The following ZNF207 variants were observed in gnomAD, a reference collection of about 807,000 sequenced individuals.
ZNF207 encodes zinc finger protein 207.
Under a neutral mutation model 60.2 loss-of-function variants are expected in ZNF207, and 24 were observed. The observed-to-expected ratio is 0.40, with a 90% CI of 0.29 to 0.56. The LOEUF is 0.56. Ranked by LOEUF, ZNF207 falls within the 20% of genes least tolerant of loss-of-function variation. The probability of loss-of-function intolerance (pLI) is 0.49; values close to 1 mark genes in which losing one functional copy is unlikely to be tolerated. For missense variants in ZNF207, 452 were observed against 636.6 expected, an observed-to-expected ratio of 0.71 and a Z score of 3.12; for synonymous variants, 236 against 194.7, an observed-to-expected ratio of 1.21 and a Z score of -1.77.
At position 32,353,579 on chromosome 17, in the gene ZNF207, C is replaced by T. The variant is rs569229053; in HGVS notation, c.168+1667C>T. 1.1e-3 allele frequency among the ~76,000 whole-genome samples: 169 copies of T among 151,018 alleles called. 1 individual carries two copies. Among genetic ancestry groups the T allele is most frequent in the Admixed American group, 1.4e-3 (21 of 14,986 alleles). ...GGTGGATCACCTGAGGTCAGGGTTT[C>T]AAGACCAGCCTGACCAACGTGGTGA... On this transcript the variant is annotated intron_variant, in intron 2 of 11. Coordinates refer to ENST00000394670, the MANE Select transcript of ZNF207 (RefSeq NM_001098507.2).
In ZNF207 at chr17:32,375,525, G is replaced by C. The variant is rs1421077516; in HGVS notation, c.*5766G>C. ...CTAAGATAGTTCCTTTTTTTTTGTA[G>C]TTCTGTGACTCAGACAAATAAGATT... On this transcript the variant is annotated 3_prime_UTR_variant, in exon 12 of 12. Coordinates refer to ENST00000394670, the MANE Select transcript of ZNF207 (RefSeq NM_001098507.2). 6.6e-6 allele frequency: 1 copy of C among 151,614 alleles called. No individual in the cohort carries two copies. Among genetic ancestry groups the C allele is most frequent in the African/African-American group, 2.4e-5 (1 of 41,318 alleles). 9.4% of individuals were successfully genotyped at this position (151,614 alleles called of 1,614,324 possible).
At chr17:32,367,253 A>ATGTATATATATATATATG (rs1567824756) in intron 9 of ZNF207, among the ~76,000 whole-genome samples, 8 of 91,478 alleles carry the variant, frequency 8.7e-5, no homozygotes, top group Non-Finnish European at 1.8e-4. Flanking sequence ...ATATATATAT[A>ATGTATATATATATATATG]TATATATATA....
At chr17:32,356,860 G>T (rs1332596565) in intron 2 of ZNF207, among the ~76,000 whole-genome samples, 1 of 152,170 alleles carries the variant, frequency 6.6e-6, no homozygotes, top group Non-Finnish European at 1.5e-5. Flanking sequence ...AAAAATCCCA[G>T]ATTTTCAGTG....
At chr17:32,361,873 T>A (rs1363814868) in intron 6 of ZNF207, among the ~76,000 whole-genome samples, 1 of 152,144 alleles carries the variant, frequency 6.6e-6, no homozygotes, top group East Asian at 1.9e-4. Flanking sequence ...AAGTTAATCT[T>A]CTGATAAAAA....
chr17:32,350,202 T>A lies in ZNF207; in HGVS notation c.-84T>A, dbSNP rs930788805. On this transcript the variant is annotated 5_prime_UTR_variant, in exon 1 of 12. The change creates a new upstream start codon in the 5' untranslated region. Transcript: ENST00000394670. ...TTCCTGTGGGACGTGGTGGTAGCCG[T>A]TGGGTTGGGAAAGTGAGGGATTTTT... 13 of 1,579,374 alleles carry A rather than the reference T, an allele frequency of 8.2e-6. No homozygotes were observed. Among genetic ancestry groups the A allele is most frequent in the African/African-American group, 1.4e-5 (1 of 74,022 alleles).
intron 2 of ZNF207, among the ~76,000 whole-genome samples, chr17:32,352,408 A>G (rs192123941): frequency 7.6e-4 from 115 of 152,300 alleles, no homozygotes; most frequent in South Asian, 1.4e-3. Context: ...ACAATAAACA[A>G]AACTGGCTTT....
chr17:32,367,240 TA>T (rs1430055369), intron 9 of ZNF207, among the ~76,000 whole-genome samples: 51 of 20,020 alleles, frequency 2.5e-3, no homozygotes, highest in Middle Eastern at 0.025. Context: ...TGGAGGGGAT[TA>T]TATATATATA....
chr17:32,369,996 C>A lies in ZNF207; in HGVS notation c.*237C>A. 5.2e-6 allele frequency: 2 copies of A among 385,752 alleles called. No homozygotes were observed. Among genetic ancestry groups the A allele is most frequent in the East Asian group, 4.5e-5 (1 of 22,404 alleles). The allele number at this position is 385,752 out of a possible 1,614,324, so 23.9% of individuals were successfully genotyped here. ...GTATGGCTTCTTTTTCATGTTTCAT[C>A]TAGGTTTTTAGAAGTGAAGTATAGT... On this transcript the variant is annotated 3_prime_UTR_variant, in exon 12 of 12. Transcript: ENST00000394670.
chr17:32,360,784 TA>T lies in ZNF207; in HGVS notation c.475+23del, dbSNP rs1904833741. ...CCTCCAGGTAGCACATAGGATTGCT[TA>T]AAATCTAACATTTTTAGGACATTAT... is the stretch of plus-strand genomic sequence containing the variant. On this transcript the variant is annotated intron_variant, in intron 4 of 11. Coordinates refer to ENST00000394670, the MANE Select transcript of ZNF207 (RefSeq NM_001098507.2). 1 of 1,612,844 alleles carries T rather than the reference TA, an allele frequency of 6.2e-7. No homozygotes were observed. Among genetic ancestry groups the T allele is most frequent in the East Asian group, 2.2e-5 (1 of 44,872 alleles).
In ZNF207 at chr17:32,375,774, G is replaced by A. The variant is rs1487490677; in HGVS notation, c.*6015G>A. 2 of 151,998 alleles carry A rather than the reference G, an allele frequency of 1.3e-5. No individual in the cohort carries two copies. The highest frequency in any genetic ancestry group is 2.4e-5 in the African/African-American group (1 of 41,406). The allele number at this position is 151,998 out of a possible 1,614,324, so 9.4% of individuals were successfully genotyped here. On this transcript the variant is annotated 3_prime_UTR_variant, in exon 12 of 12. Coordinates refer to ENST00000394670, the MANE Select transcript of ZNF207 (RefSeq NM_001098507.2). Reference sequence around the variant, plus strand: ...ACCTAATATTGAGTAATCTTTCTGCGTTATTCCAAATTGAAATTTGTTTGC... The same window carrying A: ...ACCTAATATTGAGTAATCTTTCTGCATTATTCCAAATTGAAATTTGTTTGC...
intron 9 of ZNF207, among the ~76,000 whole-genome samples, chr17:32,367,132 A>G (rs1310835249): frequency 6.6e-6 from 1 of 151,138 alleles, no homozygotes; most frequent in African/African-American, 2.4e-5. Context: ...GTGTGGTATT[A>G]TGAAAAGTAA....
In ZNF207 at chr17:32,374,633, G is replaced by A. The variant is rs548082265; in HGVS notation, c.*4874G>A. ...TCACCACATTAGAGCAAATGTTAAT[G>A]TAGAGCCCTGTAAAGGTGGGAAGGT... On this transcript the variant is annotated 3_prime_UTR_variant, in exon 12 of 12. Transcript: ENST00000394670. 2 of 152,350 alleles carry A rather than the reference G, an allele frequency of 1.3e-5. No homozygotes were observed. The highest frequency in any genetic ancestry group is 1.9e-4 in the East Asian group (1 of 5,186). 9.4% of individuals were successfully genotyped at this position (152,350 alleles called of 1,614,324 possible).
intron 2 of ZNF207, among the ~76,000 whole-genome samples, chr17:32,357,626 C>G (rs1054758037): frequency 6.6e-6 from 1 of 151,322 alleles, no homozygotes; most frequent in Admixed American, 6.6e-5. Context: ...GGATTACAGG[C>G]GTGAGCCGCC....
At position 32,375,700 on chromosome 17, in the gene ZNF207, C is replaced by CT. The variant is rs1905652427; in HGVS notation, c.*5942dup. ...GACATGTACCCTAGAAGTAGATACT[C>CT]TAAAATTATACAGACATGAATGTCT... On this transcript the variant is annotated 3_prime_UTR_variant, in exon 12 of 12. Transcript: ENST00000394670. 6.6e-6 allele frequency: 1 copy of CT among 152,022 alleles called. No homozygotes were observed. The highest frequency in any genetic ancestry group is 1.5e-5 in the Non-Finnish European group (1 of 67,930). The allele number at this position is 152,022 out of a possible 1,614,324, so 9.4% of individuals were successfully genotyped here.
intron 9 of ZNF207, among the ~76,000 whole-genome samples, chr17:32,367,242 TATATATATATATATATATATATATA>T (rs1905213540): frequency 4.6e-5 from 2 of 43,888 alleles, no homozygotes; most frequent in African/African-American, 3.5e-4. Context: ...GAGGGGATTA[TATATATATATATATATATATATATA>T]TATATATATA....
At position 32,371,881 on chromosome 17, in the gene ZNF207, A is replaced by G. The variant is rs1434041057; in HGVS notation, c.*2122A>G. ...TCTTTCTGCCAGCAGCCAAGTCCCA[A>G]ACCACTTTCCCCTCTGAACCTCTGC... On this transcript the variant is annotated 3_prime_UTR_variant, in exon 12 of 12. Coordinates refer to ENST00000394670, the MANE Select transcript of ZNF207 (RefSeq NM_001098507.2). The G allele has an allele frequency of 6.6e-6, 1 of 152,228 alleles. No individual in the cohort carries two copies. The highest frequency in any genetic ancestry group is 2.4e-5 in the African/African-American group (1 of 41,454). The allele number at this position is 152,228 out of a possible 1,614,324, so 9.4% of individuals were successfully genotyped here.
rs1567824964 is a variant in ZNF207 at position 32,367,267 on chromosome 17, AT to A, written c.922-504del. Among the ~76,000 whole-genome samples, 275 of 117,816 alleles carry A rather than the reference AT, an allele frequency of 2.3e-3. 12 individuals carry two copies. The highest frequency in any genetic ancestry group is 5.6e-3 in the African/African-American group (165 of 29,356). The allele number at this position is 117,816 out of a possible 152,430, so 77.3% of individuals were successfully genotyped here. On this transcript the variant is annotated intron_variant, in intron 9 of 11. Transcript: ENST00000394670. ...TATATATATATATATATATATATAT[AT>A]ATATATATATATATATAAAGAATAC... is the stretch of plus-strand genomic sequence containing the variant.
rs1905383375 is a variant in ZNF207, at chr17:32,369,774, G to A, written c.*15G>A. ...GCCGTTACTGATCTTACTTCATCCA[G>A]TCTAATAGGTTTGGAGATTAAACCT... On this transcript the variant is annotated 3_prime_UTR_variant, in exon 12 of 12. Coordinates refer to ENST00000394670, the MANE Select transcript of ZNF207 (RefSeq NM_001098507.2). The A allele has an allele frequency of 1.3e-6, 2 of 1,489,094 alleles. No individual in the cohort carries two copies. The highest frequency in any genetic ancestry group is 1.4e-5 in the African/African-American group (1 of 71,288). 92.2% of individuals were successfully genotyped at this position (1,489,094 alleles called of 1,614,324 possible).
At chr17:32,366,220 T>C (rs1043401177) in intron 8 of ZNF207, among the ~76,000 whole-genome samples, 2 of 152,226 alleles carry the variant, frequency 1.3e-5, no homozygotes, top group Admixed American at 6.5e-5. Flanking sequence ...GGTGCTAAAT[T>C]AAAAGCATTT....
Sources: allele counts gnomAD v4.1 joint callset (sites outside exome capture counted in the v4.1 genomes callset), GRCh38; gene constraint gnomAD v4.1.1; transcripts MANE v1.5; gene names NCBI Gene and HGNC (gene_info 2026-07-23, HGNC 2026-07-21).